The following CRYBG2 variants were observed in gnomAD, a reference collection of about 807,000 sequenced individuals.
CRYBG2 encodes beta/gamma crystallin domain-containing protein 2.
In CRYBG2, 106 loss-of-function variants were observed where a neutral mutation model predicts 153.4. That is an observed-to-expected ratio of 0.69 (90% CI 0.59 to 0.81). The LOEUF is 0.81. Among genes scored for constraint, CRYBG2 ranks in the 30% least tolerant of loss-of-function variants. The pLI, the probability that CRYBG2 is intolerant of heterozygous loss-of-function variation, is 0.00. For synonymous variants in CRYBG2, 851 were observed against 877.8 expected, an observed-to-expected ratio of 0.97 and a Z score of 0.54; for missense variants, 1,996 against 2,112.0, an observed-to-expected ratio of 0.95 and a Z score of 1.08.
In CRYBG2 at chr1:26,343,423, A is replaced by T; in HGVS notation, c.2914-130T>A. ...CCCGCAAGGAGCTGGCGCATAGAGG[A>T]TGCTCACACTTGTTCCCAACCCCCA... On this transcript the variant is annotated intron_variant, in intron 2 of 19. Transcript: ENST00000308182. This position sits in a 1 kb window ranked among gnomAD's most constrained non-coding sequence, Gnocchi z 4.1. 1 of 1,153,096 alleles carries T rather than the reference A, an allele frequency of 8.7e-7. No homozygotes were observed. Among genetic ancestry groups the T allele is most frequent in the Non-Finnish European group, 1.3e-6 (1 of 793,072 alleles). 71.4% of individuals were successfully genotyped at this position (1,153,096 alleles called of 1,614,324 possible).
chr1:26,326,081 G>C (rs1163810933), intron 17 of CRYBG2, among the ~76,000 whole-genome samples: 1 of 151,770 alleles, frequency 6.6e-6, no homozygotes, highest in Non-Finnish European at 1.5e-5. Flanking sequence ...TTGTAGAGAT[G>C]GGGTCTCGCC....
chr1:26,323,745 C>A (rs1421944535), intron 18 of CRYBG2, among the ~76,000 whole-genome samples: 4 of 152,034 alleles, frequency 2.6e-5, no homozygotes, highest in Admixed American at 6.6e-5. Context: ...CTCTTGAGTA[C>A]CTGAGACTAC....
At chr1:26,330,767 C>T (rs2073989152) in intron 15 of CRYBG2, among the ~76,000 whole-genome samples, 1 of 151,876 alleles carries the variant, frequency 6.6e-6, no homozygotes, top group African/African-American at 2.4e-5. Flanking sequence ...TCGAACTCCT[C>T]ACCTCAGGTG....
Position 26,327,831 on chromosome 1 carries a change from C to T in CRYBG2, c.4578+378G>A, listed in dbSNP as rs61775116. ...GCGTGGTAGCACGTGCCTGTGGTCC[C>T]AGTTACTTGGGAGGCTGAGGCACAA... On this transcript the variant is annotated intron_variant, in intron 17 of 19. Transcript: ENST00000308182. Among the ~76,000 whole-genome samples, 1,238 of 151,668 alleles carry T rather than the reference C, an allele frequency of 8.2e-3. 7 individuals are homozygous for T. The highest frequency in any genetic ancestry group is 0.013 in the Non-Finnish European group (905 of 67,950).
chr1:26,349,909 G>C (rs996404517), intron 1 of CRYBG2, among the ~76,000 whole-genome samples: 2 of 150,006 alleles, frequency 1.3e-5, no homozygotes, highest in Non-Finnish European at 3.0e-5. Flanking sequence ...CTGCCTCCTG[G>C]GCCCAAACAG....
At chr1:26,350,871 GCCC>G (rs1434992156) in intron 1 of CRYBG2, among the ~76,000 whole-genome samples, 1 of 152,008 alleles carries the variant, frequency 6.6e-6, no homozygotes, top group Non-Finnish European at 1.5e-5. Context: ...TGGACCCACT[GCCC>G]CCACTCCCCT....
At chr1:26,338,327 C>T (rs1379593973) in intron 7 of CRYBG2, 24 bp downstream of exon 7, 2 of 1,572,270 alleles carry the variant, frequency 1.3e-6, no homozygotes, top group East Asian at 4.5e-5. Context: ...ACCTCCTGGC[C>T]TGTGGGTGTG....
Position 26,336,492 on chromosome 1 carries a change from G to A in CRYBG2, c.4038+114C>T, listed in dbSNP as rs756820527. On this transcript the variant is annotated intron_variant, in intron 12 of 19. Coordinates refer to ENST00000308182, the MANE Select transcript of CRYBG2 (RefSeq NM_001039775.4). This position sits in a 1 kb window ranked among gnomAD's most constrained non-coding sequence, Gnocchi z 4.9. ...CGGCCCCGCCCCCTTCTAAGGCCCC[G>A]CCCCAAGCGCCCAGGCAGGTCCTCC... 1.9e-6 allele frequency: 3 copies of A among 1,543,202 alleles called. No individual in the cohort carries two copies. The highest frequency in any genetic ancestry group is 2.6e-6 in the Non-Finnish European group (3 of 1,141,352).
In CRYBG2 at chr1:26,325,249, AG is replaced by A. The variant is rs1401090151; in HGVS notation, c.4579-940del. Reference sequence around the variant, plus strand: ...CACTGTCAATGGTGTCACAAGTACAAGCATGCGCAGTCATAAATGCAATCCC... The same window carrying A: ...CACTGTCAATGGTGTCACAAGTACAACATGCGCAGTCATAAATGCAATCCC... On this transcript the variant is annotated intron_variant, in intron 17 of 19. Coordinates refer to ENST00000308182, the MANE Select transcript of CRYBG2 (RefSeq NM_001039775.4). The surrounding 1 kb of genome is among the most constrained non-coding windows in gnomAD (Gnocchi z 4.1). 1.3e-5 allele frequency: 2 copies of A among 152,218 alleles called. No individual in the cohort carries two copies. The highest frequency in any genetic ancestry group is 1.3e-4 in the Admixed American group (2 of 15,276). The allele number at this position is 152,218 out of a possible 1,614,324, so 9.4% of individuals were successfully genotyped here.
chr1:26,338,541 G>A, intron 6 of CRYBG2, 64 bp from the exon 7 acceptor site: 1 of 1,490,058 alleles, frequency 6.7e-7, no homozygotes, highest in East Asian at 2.4e-5. Context: ...AGATTGGTGG[G>A]CGGGAGGGAA....
At chr1:26,339,672 G>T (rs550724134) in intron 5 of CRYBG2, among the ~76,000 whole-genome samples, 10 of 151,960 alleles carry the variant, frequency 6.6e-5, no homozygotes, top group African/African-American at 2.4e-4. Flanking sequence ...GGAGGCAGAG[G>T]TTGCGGTGAG....
At chr1:26,353,198 G>A (rs981923927) in intron 1 of CRYBG2, among the ~76,000 whole-genome samples, 38 of 152,116 alleles carry the variant, frequency 2.5e-4, no homozygotes, top group African/African-American at 7.7e-4. Flanking sequence ...TAGGTGACAG[G>A]GGTTGGGATC....
intron 14 of CRYBG2, among the ~76,000 whole-genome samples, chr1:26,334,754 C>A (rs1190591570): frequency 6.6e-6 from 1 of 151,872 alleles, no homozygotes; most frequent in Non-Finnish European, 1.5e-5. Context: ...GAAACCCCAT[C>A]TCTACTAAAA....
rs1453983842 is a variant in CRYBG2 at position 26,325,557 on chromosome 1, C to A, written c.4579-1247G>T. 6.6e-6 allele frequency among the ~76,000 whole-genome samples: 1 copy of A among 151,696 alleles called. No individual in the cohort carries two copies. Among genetic ancestry groups the A allele is most frequent in the African/African-American group, 2.4e-5 (1 of 41,228 alleles). ...CCTGGGTGACAGAGTAGGACTCCAT[C>A]TCAAAAATAAATTAATTAATAAAAA... On this transcript the variant is annotated intron_variant, in intron 17 of 19. Coordinates refer to ENST00000308182, the MANE Select transcript of CRYBG2 (RefSeq NM_001039775.4). This position sits in a 1 kb window ranked among gnomAD's most constrained non-coding sequence, Gnocchi z 4.1.
rs1411764475 is a variant in CRYBG2 at position 26,326,953 on chromosome 1, A to G, written c.4578+1256T>C. 1.4e-5 allele frequency: 7 copies of G among 491,956 alleles called. No homozygotes were observed. The East Asian group carries it at 3.8e-4, about 27-fold the overall frequency. 30.5% of individuals were successfully genotyped at this position (491,956 alleles called of 1,614,324 possible). On this transcript the variant is annotated intron_variant, in intron 17 of 19. Coordinates refer to ENST00000308182, the MANE Select transcript of CRYBG2 (RefSeq NM_001039775.4). ...CAGGTATGCTAAATGTGTTCGTGGC[A>G]GGATCAAGCCTGCTTTCCTTATGCA... is the stretch of plus-strand genomic sequence containing the variant.
chr1:26,324,533 C>T (rs1473914625), intron 17 of CRYBG2, among the ~76,000 whole-genome samples: 2 of 151,392 alleles, frequency 1.3e-5, no homozygotes, highest in African/African-American at 2.4e-5. Flanking sequence ...CACACACACA[C>T]ACAGTTCCAT....
Position 26,336,012 on chromosome 1 carries a change from A to G in CRYBG2, c.4184+83T>C. ...CAGTTCATCGCAAGGTAGCCAAAGGAAGGAAATCATTTGAAAGACTCTCCT... is the reference window on the plus strand; with the variant it reads ...CAGTTCATCGCAAGGTAGCCAAAGGGAGGAAATCATTTGAAAGACTCTCCT... On this transcript the variant is annotated intron_variant, in intron 14 of 19. Transcript: ENST00000308182. This position sits in a 1 kb window ranked among gnomAD's most constrained non-coding sequence, Gnocchi z 4.9. The G allele has an allele frequency of 6.0e-6, 7 of 1,170,106 alleles. 1 individual carries two copies. In the South Asian group the frequency reaches 1.2e-4, roughly 20 times the overall value. The allele number at this position is 1,170,106 out of a possible 1,614,324, so 72.5% of individuals were successfully genotyped here.
chr1:26,336,818 C>A lies in CRYBG2; in HGVS notation c.3911+23G>T. 6.4e-7 allele frequency: 1 copy of A among 1,572,472 alleles called. No homozygotes were observed. Among genetic ancestry groups the A allele is most frequent in the Non-Finnish European group, 8.6e-7 (1 of 1,160,688 alleles). Reference sequence around the variant, plus strand: ...CCCCGGCTCGCCCGGGCCCGCCCCGCTCCCGGAGCCCGGGTCACTTACACG... The same window carrying A: ...CCCCGGCTCGCCCGGGCCCGCCCCGATCCCGGAGCCCGGGTCACTTACACG... On this transcript the variant is annotated intron_variant, in intron 11 of 19. Transcript: ENST00000308182. This position sits in a 1 kb window ranked among gnomAD's most constrained non-coding sequence, Gnocchi z 4.9.
intron 1 of CRYBG2, among the ~76,000 whole-genome samples, chr1:26,349,708 G>T (rs2074266732): frequency 6.6e-6 from 1 of 152,136 alleles, no homozygotes; most frequent in Non-Finnish European, 1.5e-5. Flanking sequence ...GCAGTGATTG[G>T]GTTATGAGGG....
Sources: allele counts gnomAD v4.1 joint callset (sites outside exome capture counted in the v4.1 genomes callset), GRCh38; gene constraint gnomAD v4.1.1; non-coding constraint Gnocchi (gnomAD v3.1); transcripts MANE v1.5; gene names NCBI Gene and HGNC (gene_info 2026-07-23, HGNC 2026-07-21).